The following ROBO1 variants were observed in gnomAD, a reference collection of about 807,000 sequenced individuals.
ROBO1 encodes roundabout guidance receptor 1.
A neutral mutation model predicts 195.9 loss-of-function variants in ROBO1; 149 were observed. That is an observed-to-expected ratio of 0.76 (90% CI 0.67 to 0.87). The LOEUF is 0.87. Among genes scored for constraint, ROBO1 ranks in the 40% least tolerant of loss-of-function variants. The probability of loss-of-function intolerance (pLI) is 0.00; values close to 1 mark genes in which losing one functional copy is unlikely to be tolerated. For missense variants in ROBO1, 1,933 were observed against 2,068.3 expected (o/e 0.93, Z 1.27); for synonymous variants, 816 against 733.2 (o/e 1.11, Z -1.82).
At chr3:79,638,611 C>T (rs2108058181) in intron 1 of ROBO1, among the ~76,000 whole-genome samples, 1 of 152,160 alleles carries the variant, frequency 6.6e-6, no homozygotes, top group East Asian at 1.9e-4. Context: ...ACCTGACAAG[C>T]AGATTAATTT....
chr3:78,853,444 T>C (rs887277642), intron 4 of ROBO1, among the ~76,000 whole-genome samples: 13 of 120,322 alleles, frequency 1.1e-4, no homozygotes, highest in African/African-American at 3.5e-4. Context: ...GTATTTCATA[T>C]ATAGTATGTA....
At chr3:79,202,635 C>T (rs1260186888) in intron 2 of ROBO1, among the ~76,000 whole-genome samples, 4 of 150,704 alleles carry the variant, frequency 2.7e-5, no homozygotes, top group Non-Finnish European at 5.9e-5. Flanking sequence ...GAAATACTTT[C>T]AAAGAAGTTG....
intron 2 of ROBO1, among the ~76,000 whole-genome samples, chr3:79,411,817 C>T (rs1301056753): frequency 6.6e-6 from 1 of 152,122 alleles, no homozygotes; most frequent in Non-Finnish European, 1.5e-5. Flanking sequence ...AGCAACCTCT[C>T]GGAAATGCTA....
At chr3:79,569,151 C>T (rs183239230) in intron 2 of ROBO1, among the ~76,000 whole-genome samples, 8 of 152,232 alleles carry the variant, frequency 5.3e-5, no homozygotes, top group East Asian at 3.9e-4. Context: ...CACACACGCA[C>T]GATTTGTTTA....
chr3:79,246,673 T>C (rs2082629828), intron 2 of ROBO1, among the ~76,000 whole-genome samples: 1 of 152,090 alleles, frequency 6.6e-6, no homozygotes, highest in Non-Finnish European at 1.5e-5. Context: ...CTATTGCTTA[T>C]ATTGTTTTGG....
intron 1 of ROBO1, among the ~76,000 whole-genome samples, chr3:79,646,155 G>A (rs1295451812): frequency 2.0e-5 from 3 of 151,910 alleles, no homozygotes; most frequent in African/African-American, 7.2e-5. Flanking sequence ...CCAACAGAAT[G>A]AGAAAAGAAA....
chr3:78,746,549 A>T (rs962507953), intron 5 of ROBO1, among the ~76,000 whole-genome samples, 194 bp downstream of exon 5: 2 of 152,220 alleles, frequency 1.3e-5, no homozygotes, highest in Non-Finnish European at 2.9e-5. Flanking sequence ...TCTAAACACC[A>T]TGAATTTTCC....
intron 2 of ROBO1, among the ~76,000 whole-genome samples, chr3:79,506,972 C>T (rs1257059887): frequency 6.6e-6 from 1 of 152,086 alleles, no homozygotes; most frequent in African/African-American, 2.4e-5. Flanking sequence ...CAGGTTACAA[C>T]ACACTGCCAG....
At chr3:78,611,841 G>A (rs1483569630) in intron 28 of ROBO1, among the ~76,000 whole-genome samples, 1 of 152,144 alleles carries the variant, frequency 6.6e-6, no homozygotes, top group Non-Finnish European at 1.5e-5. Flanking sequence ...ATACACTGGG[G>A]GAAGATCAGG....
chr3:78,931,118 C>T (rs983768395), intron 4 of ROBO1, among the ~76,000 whole-genome samples: 1 of 152,012 alleles, frequency 6.6e-6, no homozygotes, highest in Non-Finnish European at 1.5e-5. Flanking sequence ...AAACAAAATG[C>T]CTGTAAGAAG....
intron 2 of ROBO1, among the ~76,000 whole-genome samples, chr3:79,572,316 A>T (rs1943304740): frequency 6.6e-6 from 1 of 152,078 alleles, no homozygotes; most frequent in Non-Finnish European, 1.5e-5. Flanking sequence ...AACATAACAC[A>T]TCCTTTTTCT....
chr3:79,387,695 A>T (rs2036803884), intron 2 of ROBO1, among the ~76,000 whole-genome samples: 1 of 115,600 alleles, frequency 8.7e-6, no homozygotes, highest in African/African-American at 3.1e-5. Flanking sequence ...AAGTACTCAA[A>T]TTTAAAAAAT....
At chr3:79,108,274 C>T (rs147805377) in intron 3 of ROBO1, among the ~76,000 whole-genome samples, 21 of 151,716 alleles carry the variant, frequency 1.4e-4, no homozygotes, top group African/African-American at 4.1e-4. Context: ...TACAGTTACT[C>T]GTATAAAAAT....
intron 3 of ROBO1, among the ~76,000 whole-genome samples, chr3:79,036,849 A>G (rs1016158437): frequency 2.6e-5 from 4 of 152,128 alleles, no homozygotes; most frequent in Middle Eastern, 6.3e-3. Context: ...AAGGGGTGAA[A>G]ACTTTTCAGT....
At chr3:78,693,239 G>A (rs1035275028) in intron 8 of ROBO1, 8 of 1,426,078 alleles carry the variant, frequency 5.6e-6, no homozygotes, top group Non-Finnish European at 7.6e-6. Context: ...AGTGAAACAT[G>A]GAGGCTGATT....
chr3:79,351,659 CTGTT>C (rs2035346971), intron 2 of ROBO1, among the ~76,000 whole-genome samples: 2 of 152,154 alleles, frequency 1.3e-5, no homozygotes, highest in African/African-American at 4.8e-5. Context: ...TTCAATTACA[CTGTT>C]TGAATAGGAT....
At chr3:79,524,076 G>A (rs1370455039) in intron 2 of ROBO1, among the ~76,000 whole-genome samples, 1 of 151,996 alleles carries the variant, frequency 6.6e-6, no homozygotes, top group Non-Finnish European at 1.5e-5. Flanking sequence ...TATACCTAAA[G>A]ACGCATAATG....
At chr3:78,729,101 G>T (rs1285144032) in intron 5 of ROBO1, among the ~76,000 whole-genome samples, 1 of 152,190 alleles carries the variant, frequency 6.6e-6, no homozygotes, top group Non-Finnish European at 1.5e-5. Context: ...GACTCTGGCA[G>T]CTGCACTTCT....
intron 2 of ROBO1, among the ~76,000 whole-genome samples, chr3:79,342,361 G>A (rs1214090560): frequency 6.6e-6 from 1 of 152,160 alleles, no homozygotes; most frequent in Non-Finnish European, 1.5e-5. Flanking sequence ...TGTGTGAATA[G>A]AATAAGTCTG....
Sources: allele counts gnomAD v4.1 joint callset (sites outside exome capture counted in the v4.1 genomes callset), GRCh38; gene constraint gnomAD v4.1.1; transcripts MANE v1.5; gene names NCBI Gene and HGNC (gene_info 2026-07-23, HGNC 2026-07-21).